CTNND2: variants seen among roughly 807,000 people sequenced by gnomAD.
The protein encoded by CTNND2 is catenin delta 2.
In CTNND2, 22 loss-of-function variants were observed where a neutral mutation model predicts 144.4. The observed-to-expected ratio is 0.15, with a 90% CI of 0.11 to 0.22. The LOEUF (loss-of-function observed/expected upper bound fraction) is 0.22, where lower values mean the gene tolerates loss of function less well. Among genes scored for constraint, CTNND2 ranks in the 10% least tolerant of loss-of-function variants. The pLI, the probability that CTNND2 is intolerant of heterozygous loss-of-function variation, is 1.00. For synonymous variants in CTNND2, 751 were observed against 695.6 expected, an observed-to-expected ratio of 1.08 and a Z score of -1.25; for missense variants, 1,353 against 1,618.8, an observed-to-expected ratio of 0.84 and a Z score of 2.82.
At chr5:11,230,901 G>C (rs937995323) in intron 10 of CTNND2, among the ~76,000 whole-genome samples, 18 of 152,154 alleles carry the variant, frequency 1.2e-4, no homozygotes, top group African/African-American at 4.3e-4. Context: ...TGCTGAGCTA[G>C]ATCCCACCCA....
intron 9 of CTNND2, 145 bp from the exon 10 acceptor site, chr5:11,236,968 C>T: frequency 1.3e-6 from 1 of 752,816 alleles, no homozygotes; most frequent in Non-Finnish European, 2.1e-6. Context: ...ACATGCAGAC[C>T]CATTTAAGGG....
At chr5:11,709,244 G>C (rs1178560491) in intron 2 of CTNND2, among the ~76,000 whole-genome samples, 1 of 152,192 alleles carries the variant, frequency 6.6e-6, no homozygotes, top group Non-Finnish European at 1.5e-5. Context: ...GGAGAAGGCA[G>C]TTTCACTCGG....
At chr5:11,132,891 ATAAACTGAGAAGTTTTGAC>A (rs1755760168) in intron 12 of CTNND2, among the ~76,000 whole-genome samples, 1 of 152,232 alleles carries the variant, frequency 6.6e-6, no homozygotes. Flanking sequence ...CTGCTATCTC[ATAAACTGAGAAGTTTTGAC>A]AACTTATTTA....
intron 2 of CTNND2, among the ~76,000 whole-genome samples, chr5:11,671,388 T>C (rs554826754): frequency 1.6e-4 from 25 of 152,318 alleles, no homozygotes; most frequent in Non-Finnish European, 2.9e-4. Context: ...CTTGGTTCCA[T>C]TATCCCTGTC....
intron 1 of CTNND2, among the ~76,000 whole-genome samples, chr5:11,891,889 G>A (rs1171213686): frequency 6.6e-6 from 1 of 152,130 alleles, no homozygotes. Flanking sequence ...GAGATGACAG[G>A]GAATATAGTA....
At position 11,342,102 on chromosome 5, in the gene CTNND2, A is replaced by G. The variant is rs184279181; in HGVS notation, c.1628+4270T>C. On this transcript the variant is annotated intron_variant, in intron 9 of 21. Coordinates refer to ENST00000304623, the MANE Select transcript of CTNND2 (RefSeq NM_001332.4). ...CGTGGGTGTGTGTGTGTGTGTCCAC[A>G]TGTGCACATGCGTCGTGAACAGTTA... Among the ~76,000 whole-genome samples, 108 of 152,310 alleles carry G rather than the reference A, an allele frequency of 7.1e-4. 1 individual carries two copies. The highest frequency in any genetic ancestry group is 2.4e-3 in the African/African-American group (98 of 41,578).
At chr5:11,690,752 A>C (rs1258745142) in intron 2 of CTNND2, among the ~76,000 whole-genome samples, 1 of 118,184 alleles carries the variant, frequency 8.5e-6, no homozygotes, top group African/African-American at 7.5e-5. Context: ...CAAAAAAAAA[A>C]AAAAAAAAAA....
rs564432430 is a variant in CTNND2 at position 11,202,962 on chromosome 5, G to A, written c.1762-3301C>T. 6.6e-5 allele frequency among the ~76,000 whole-genome samples: 10 copies of A among 152,068 alleles called. No homozygotes were observed. In the East Asian group the frequency reaches 1.2e-3, roughly 18 times the overall value. ...TGGGATTACAGGCACATGCCATCACGTCTGGCTAATTTTTGTATTTTCAGT... is the reference window on the plus strand; with the variant it reads ...TGGGATTACAGGCACATGCCATCACATCTGGCTAATTTTTGTATTTTCAGT... On this transcript the variant is annotated intron_variant, in intron 10 of 21. Coordinates refer to ENST00000304623, the MANE Select transcript of CTNND2 (RefSeq NM_001332.4).
At chr5:11,899,147 T>A (rs1358351382) in intron 1 of CTNND2, among the ~76,000 whole-genome samples, 1 of 152,232 alleles carries the variant, frequency 6.6e-6, no homozygotes, top group African/African-American at 2.4e-5. Flanking sequence ...TCCCTTTATG[T>A]AATACATTTA....
At chr5:11,162,083 G>T (rs61751857) in intron 11 of CTNND2, among the ~76,000 whole-genome samples, 1 of 152,098 alleles carries the variant, frequency 6.6e-6, no homozygotes, top group Non-Finnish European at 1.5e-5. Context: ...CTGGGAGTGG[G>T]GGGGGGTTGC....
intron 15 of CTNND2, among the ~76,000 whole-genome samples, chr5:11,084,376 A>C (rs61755756): frequency 1.3e-5 from 2 of 151,832 alleles, no homozygotes; most frequent in Non-Finnish European, 2.9e-5. Flanking sequence ...TGCCTCCCCT[A>C]CTCCTTGTGC....
intron 1 of CTNND2, among the ~76,000 whole-genome samples, chr5:11,834,667 T>C (rs1281401234): frequency 6.6e-6 from 1 of 152,198 alleles, no homozygotes; most frequent in Non-Finnish European, 1.5e-5. Flanking sequence ...GGGTTGAATA[T>C]CATTGTGAAT....
intron 3 of CTNND2, among the ~76,000 whole-genome samples, chr5:11,428,364 A>C (rs31895): frequency 3.3e-5 from 5 of 151,958 alleles, no homozygotes; most frequent in Admixed American, 6.6e-5. Flanking sequence ...TCAAGCCCCA[A>C]CTCCTTGGAA....
At chr5:11,609,579 C>A (rs1780217964) in intron 2 of CTNND2, among the ~76,000 whole-genome samples, 1 of 151,734 alleles carries the variant, frequency 6.6e-6, no homozygotes, top group South Asian at 2.1e-4. Flanking sequence ...TTTTATAATA[C>A]TATTATATTA....
intron 11 of CTNND2, among the ~76,000 whole-genome samples, chr5:11,190,437 C>T (rs61751806): frequency 0.015 from 2,270 of 152,318 alleles, 48 homozygotes; most frequent in Admixed American, 0.049. Flanking sequence ...CCTGATCCAA[C>T]GGCTGCCTGT....
chr5:11,844,867 T>C (rs1794656634), intron 1 of CTNND2, among the ~76,000 whole-genome samples: 1 of 152,120 alleles, frequency 6.6e-6, no homozygotes, highest in South Asian at 2.1e-4. Flanking sequence ...TGAGTTGAAT[T>C]TGGAAGTCCT....
intron 3 of CTNND2, among the ~76,000 whole-genome samples, chr5:11,412,680 C>T (rs1348760122): frequency 6.6e-6 from 1 of 152,084 alleles, no homozygotes; most frequent in African/African-American, 2.4e-5. Flanking sequence ...TAGAGTGGTT[C>T]TGTATAGGTA....
At position 10,973,390 on chromosome 5, in the gene CTNND2, G is replaced by A. The variant is rs1736033368; in HGVS notation, c.*63C>T. 1.4e-6 allele frequency: 2 copies of A among 1,439,768 alleles called. No homozygotes were observed. The highest frequency in any genetic ancestry group is 1.7e-5 in the South Asian group (1 of 59,982). The allele number at this position is 1,439,768 out of a possible 1,614,324, so 89.2% of individuals were successfully genotyped here. ...ATTTGCAGGAGAAAAAAACAAAACA[G>A]AAAGAAATGTCTTGTGGTATGCATG... On this transcript the variant is annotated 3_prime_UTR_variant, in exon 22 of 22. Coordinates refer to ENST00000304623, the MANE Select transcript of CTNND2 (RefSeq NM_001332.4). The surrounding 1 kb of genome is among the most constrained non-coding windows in gnomAD (Gnocchi z 5.6).
At chr5:11,819,200 G>A (rs1214911401) in intron 1 of CTNND2, among the ~76,000 whole-genome samples, 2 of 152,206 alleles carry the variant, frequency 1.3e-5, no homozygotes, top group Admixed American at 6.5e-5. Flanking sequence ...TTGGGAGGCT[G>A]AGGCCGGCGG....
Sources: gnomAD v4.1 joint callset for allele counts (sites outside exome capture counted in the v4.1 genomes callset) on GRCh38, gnomAD v4.1.1 for gene constraint, Gnocchi (gnomAD v3.1) non-coding constraint, MANE v1.5 for transcripts, NCBI Gene and HGNC (gene_info 2026-07-23, HGNC 2026-07-21) for gene names.